Variants in PTPRJ observed in about 807,000 individuals in gnomAD.
PTPRJ encodes protein tyrosine phosphatase receptor type J.
Under a neutral mutation model 141.3 loss-of-function variants are expected in PTPRJ, and 129 were observed. The observed-to-expected ratio is 0.91, with a 90% CI of 0.79 to 1.06. The LOEUF is 1.06. Among genes scored for constraint, PTPRJ ranks in the 50% least tolerant of loss-of-function variants. The pLI is 0.00. For synonymous variants in PTPRJ, 610 were observed against 640.5 expected (o/e 0.95, Z 0.72); for missense variants, 1,601 against 1,679.7 (o/e 0.95, Z 0.82).
In PTPRJ at chr11:48,001,658, C is replaced by A. The variant is rs545229017; in HGVS notation, c.96+20650C>A. ...TGGCTGAGTGAATCCTCATGACACC[C>A]TAATGAGGTAGGTCTCTTCTCTTCT... On this transcript the variant is annotated intron_variant, in intron 1 of 24. Coordinates refer to ENST00000418331, the MANE Select transcript of PTPRJ (RefSeq NM_002843.4). 1.2e-4 allele frequency among the ~76,000 whole-genome samples: 19 copies of A among 152,216 alleles called. No individual in the cohort carries two copies. In the South Asian group the frequency reaches 3.9e-3, roughly 32 times the overall value.
At chr11:48,008,574 AT>A (rs1312628443) in intron 1 of PTPRJ, among the ~76,000 whole-genome samples, 3 of 126,782 alleles carry the variant, frequency 2.4e-5, no homozygotes, top group Non-Finnish European at 3.3e-5. Context: ...TTTATTTTTT[AT>A]TTTTTTGAGT....
At chr11:48,023,017 C>G (rs923073305) in intron 1 of PTPRJ, among the ~76,000 whole-genome samples, 1 of 151,908 alleles carries the variant, frequency 6.6e-6, no homozygotes, top group African/African-American at 2.4e-5. Flanking sequence ...GGGTAAAAGC[C>G]GTTACAATTT....
At chr11:48,140,398 C>T (rs1001054504) in intron 11 of PTPRJ, among the ~76,000 whole-genome samples, 18 of 152,250 alleles carry the variant, frequency 1.2e-4, no homozygotes, top group Admixed American at 5.2e-4. Flanking sequence ...TGAGTAGGGG[C>T]GACAGGGCCC....
At chr11:48,135,351 T>C (rs1337341977) in intron 8 of PTPRJ, among the ~76,000 whole-genome samples, 1 of 151,828 alleles carries the variant, frequency 6.6e-6, no homozygotes, top group African/African-American at 2.4e-5. Flanking sequence ...ATTTTGTACT[T>C]TTTTTGATAG....
Position 47,980,719 on chromosome 11 carries a change from G to C in PTPRJ, c.-194G>C, listed in dbSNP as rs1480597459. The C allele has an allele frequency of 4.0e-6, 4 of 1,000,666 alleles. No individual in the cohort carries two copies. In the African/African-American group the frequency reaches 7.0e-5, roughly 17 times the overall value. 62.0% of individuals were successfully genotyped at this position (1,000,666 alleles called of 1,614,324 possible). On this transcript the variant is annotated 5_prime_UTR_variant, in exon 1 of 25. Transcript: ENST00000418331. ...CGCGGCAGCCGCGCTAGGCTCCGGC[G>C]TGTGGCCGCGGCCGCCGCCGCCGCT...
At chr11:48,161,415 A>T (rs547995587) in intron 22 of PTPRJ, among the ~76,000 whole-genome samples, 1 of 152,150 alleles carries the variant, frequency 6.6e-6, no homozygotes, top group South Asian at 2.1e-4. Context: ...TTATCCTTGA[A>T]GATTCCACAA....
At chr11:48,062,196 G>A (rs58350625) in intron 1 of PTPRJ, among the ~76,000 whole-genome samples, 2,333 of 150,960 alleles carry the variant, frequency 0.015, 61 homozygotes, top group African/African-American at 0.054. Context: ...ACCATGCCCG[G>A]CCAAACTTCT....
intron 2 of PTPRJ, among the ~76,000 whole-genome samples, chr11:48,110,368 G>C (rs931283855): frequency 6.6e-6 from 1 of 152,038 alleles, no homozygotes; most frequent in African/African-American, 2.4e-5. Context: ...CACCATGTCC[G>C]GCTAATTTTT....
intron 14 of PTPRJ, 110 bp from the exon 15 acceptor site, chr11:48,146,766 T>C (rs1857360378): frequency 3.8e-6 from 3 of 785,734 alleles, no homozygotes; most frequent in Non-Finnish European, 6.9e-6. Flanking sequence ...TGTGTGTGTA[T>C]GGTATACACA....
At chr11:48,057,289 T>A (rs979796507) in intron 1 of PTPRJ, among the ~76,000 whole-genome samples, 14 of 151,634 alleles carry the variant, frequency 9.2e-5, no homozygotes, top group Admixed American at 4.6e-4. Context: ...AAGCTCTGGG[T>A]AAACGTTAGT....
At chr11:48,090,690 T>C (rs902045639) in intron 1 of PTPRJ, among the ~76,000 whole-genome samples, 1 of 152,186 alleles carries the variant, frequency 6.6e-6, no homozygotes, top group Non-Finnish European at 1.5e-5. Context: ...ATGATGAACA[T>C]TTTCCCAATT....
intron 8 of PTPRJ, among the ~76,000 whole-genome samples, chr11:48,133,993 C>A (rs1857032849): frequency 6.6e-6 from 1 of 152,090 alleles, no homozygotes; most frequent in Non-Finnish European, 1.5e-5. Flanking sequence ...ACAGTTTATG[C>A]TGGGGATAAT....
At chr11:48,044,491 G>C (rs1292286550) in intron 1 of PTPRJ, among the ~76,000 whole-genome samples, 1 of 152,210 alleles carries the variant, frequency 6.6e-6, no homozygotes, top group African/African-American at 2.4e-5. Context: ...TGGTTGGCTG[G>C]CTAGCGAGGT....
chr11:48,113,064 T>C, intron 3 of PTPRJ, 81 bp downstream of exon 3: 1 of 1,226,958 alleles, frequency 8.2e-7, no homozygotes, highest in East Asian at 2.4e-5. Context: ...CCAAATACTG[T>C]TCTTCTTTTA....
chr11:48,119,856 A>G (rs1484383556), intron 3 of PTPRJ, among the ~76,000 whole-genome samples: 1 of 152,138 alleles, frequency 6.6e-6, no homozygotes, highest in African/African-American at 2.4e-5. Context: ...CTGCCGTATC[A>G]CCTGGGTTTT....
At chr11:48,082,753 C>T (rs1037818835) in intron 1 of PTPRJ, among the ~76,000 whole-genome samples, 3 of 151,888 alleles carry the variant, frequency 2.0e-5, no homozygotes, top group African/African-American at 7.3e-5. Flanking sequence ...AGGTTAAAGA[C>T]TTGGTAAAAA....
chr11:48,083,996 C>T (rs1288760283), intron 1 of PTPRJ, among the ~76,000 whole-genome samples: 2 of 152,070 alleles, frequency 1.3e-5, no homozygotes, highest in African/African-American at 4.8e-5. Context: ...TGCATAAGGC[C>T]ACAAAGCCAT....
chr11:47,982,575 C>G (rs1853939306), intron 1 of PTPRJ, among the ~76,000 whole-genome samples: 1 of 151,578 alleles, frequency 6.6e-6, no homozygotes. Context: ...AAAGTTTATG[C>G]TAAAACAAAA....
intron 1 of PTPRJ, among the ~76,000 whole-genome samples, chr11:48,070,500 CAAA>C (rs35904394): frequency 2.7e-5 from 2 of 73,214 alleles, no homozygotes; most frequent in Non-Finnish European, 2.9e-5. Flanking sequence ...ACTCTGTCTC[CAAA>C]AAAAAAAAAA....
Sources: gnomAD v4.1 joint callset for allele counts (sites outside exome capture counted in the v4.1 genomes callset) on GRCh38, gnomAD v4.1.1 for gene constraint, MANE v1.5 for transcripts, NCBI Gene and HGNC (gene_info 2026-07-23, HGNC 2026-07-21) for gene names.